Variants in DESI2 observed in about 807,000 individuals in gnomAD.
DESI2 encodes deubiquitinase DESI2.
A neutral mutation model predicts 24.1 loss-of-function variants in DESI2; 10 were observed. That is an observed-to-expected ratio of 0.41 (90% confidence interval 0.26 to 0.70). The LOEUF (loss-of-function observed/expected upper bound fraction) is 0.70, where lower values mean the gene tolerates loss of function less well. Ranked by LOEUF, DESI2 falls within the 30% of genes least tolerant of loss-of-function variation. The pLI is 0.29. For missense variants in DESI2, 122 were observed against 234.9 expected (o/e 0.52, Z 3.14); for synonymous variants, 71 against 87.7 (o/e 0.81, Z 1.06).
chr1:244,699,086 G>A (rs1415917233), intron 4 of DESI2, among the ~76,000 whole-genome samples: 1 of 152,082 alleles, frequency 6.6e-6, no homozygotes, highest in Admixed American at 6.6e-5. Context: ...CCTTTCTACT[G>A]GTGCACACAC....
At chr1:244,685,583 T>C (rs1483818877) in intron 1 of DESI2, among the ~76,000 whole-genome samples, 1 of 152,190 alleles carries the variant, frequency 6.6e-6, no homozygotes, top group Non-Finnish European at 1.5e-5. Flanking sequence ...CCCAGGTACA[T>C]TTTAGAAAAA....
intron 1 of DESI2, among the ~76,000 whole-genome samples, chr1:244,665,129 T>C (rs1036174441): frequency 3.3e-5 from 5 of 152,234 alleles, no homozygotes; most frequent in African/African-American, 9.6e-5. Flanking sequence ...AGTTTTGATA[T>C]CAGTTTTGAT....
intron 4 of DESI2, among the ~76,000 whole-genome samples, chr1:244,705,026 A>C (rs1449928006): frequency 6.6e-6 from 1 of 152,142 alleles, no homozygotes; most frequent in African/African-American, 2.4e-5. Context: ...GAGCCCCTTG[A>C]AACAAGTGGG....
At chr1:244,696,341 G>A (rs1449135498) in intron 4 of DESI2, among the ~76,000 whole-genome samples, 1 of 152,232 alleles carries the variant, frequency 6.6e-6, no homozygotes. Flanking sequence ...AGGCAAGATA[G>A]CTGGGCACAG....
At chr1:244,670,374 C>G (rs902321584) in intron 1 of DESI2, among the ~76,000 whole-genome samples, 2 of 152,166 alleles carry the variant, frequency 1.3e-5, no homozygotes, top group African/African-American at 4.8e-5. Context: ...CCCAAAAATT[C>G]TTGAAAATTT....
intron 1 of DESI2, among the ~76,000 whole-genome samples, chr1:244,661,169 C>T (rs1440204652): frequency 2.6e-5 from 4 of 152,178 alleles, no homozygotes; most frequent in African/African-American, 4.8e-5. Flanking sequence ...AACAACAACT[C>T]CCCATTTCTC....
chr1:244,692,147 T>C, intron 4 of DESI2, 127 bp downstream of exon 4: 3 of 825,056 alleles, frequency 3.6e-6, no homozygotes, highest in Non-Finnish European at 3.7e-6. Flanking sequence ...AAATATGGTA[T>C]TGTATTTCAA....
chr1:244,692,866 C>T (rs1008082300), intron 4 of DESI2, among the ~76,000 whole-genome samples: 2 of 152,302 alleles, frequency 1.3e-5, no homozygotes, highest in African/African-American at 4.8e-5. Flanking sequence ...TCTGCCCCAC[C>T]AGAGATACAC....
At position 244,706,470 on chromosome 1, in the gene DESI2, A is replaced by G. The variant is rs1404795714; in HGVS notation, c.*681A>G. ...TATCCGTCCACCTAGGCGGGGTGGT[A>G]TGTTCTTACGTCTCTCTGACTTTGA... On this transcript the variant is annotated 3_prime_UTR_variant, in exon 5 of 5. Coordinates refer to ENST00000302550, the MANE Select transcript of DESI2 (RefSeq NM_016076.5). 1 of 152,678 alleles carries G rather than the reference A, an allele frequency of 6.5e-6. No individual in the cohort carries two copies. Among genetic ancestry groups the G allele is most frequent in the African/African-American group, 2.4e-5 (1 of 41,434 alleles). 9.5% of individuals were successfully genotyped at this position (152,678 alleles called of 1,614,324 possible). A position where few individuals can be genotyped will look rare whatever the true frequency, so the allele number is the denominator to read the frequency against.
chr1:244,662,984 G>C (rs1434114879), intron 1 of DESI2, among the ~76,000 whole-genome samples: 3 of 151,802 alleles, frequency 2.0e-5, no homozygotes, highest in Non-Finnish European at 4.4e-5. Flanking sequence ...GAAAAATCTG[G>C]GATTAGGATA....
At chr1:244,691,352 G>A (rs988230742) in intron 3 of DESI2, among the ~76,000 whole-genome samples, 3 of 152,374 alleles carry the variant, frequency 2.0e-5, no homozygotes, top group African/African-American at 7.2e-5. Flanking sequence ...GCCTCCCAAA[G>A]TGCTGGGATT....
At chr1:244,694,630 A>G (rs2148812571) in intron 4 of DESI2, 2 of 842,074 alleles carry the variant, frequency 2.4e-6, no homozygotes, top group Non-Finnish European at 4.2e-6. Context: ...CCACAGGTCA[A>G]CTTCTGAAGG....
intron 1 of DESI2, among the ~76,000 whole-genome samples, chr1:244,657,914 T>G (rs908719294): frequency 3.3e-5 from 5 of 152,232 alleles, no homozygotes; most frequent in East Asian, 1.9e-4. Context: ...CGTGTGCAAC[T>G]GTGATGAAGC....
Position 244,653,267 on chromosome 1 carries a change from C to G in DESI2, c.-47C>G. 1.4e-6 allele frequency: 2 copies of G among 1,466,054 alleles called. No individual in the cohort carries two copies. Among genetic ancestry groups the G allele is most frequent in the East Asian group, 2.8e-5 (1 of 36,232 alleles). 90.8% of individuals were successfully genotyped at this position (1,466,054 alleles called of 1,614,324 possible). ...GGGGTGAGAGCGGCCTCCGGCCCCG[C>G]GGAGACGGAGCGGCTTGAGGACGAG... On this transcript the variant is annotated 5_prime_UTR_variant, in exon 1 of 5. Transcript: ENST00000302550.
intron 1 of DESI2, among the ~76,000 whole-genome samples, chr1:244,679,110 C>T (rs908881413): frequency 3.3e-5 from 5 of 152,064 alleles, no homozygotes; most frequent in Non-Finnish European, 7.3e-5. Flanking sequence ...ACAATCACAG[C>T]TCACTGAAGC....
At chr1:244,681,807 A>G (rs147223348) in intron 1 of DESI2, among the ~76,000 whole-genome samples, 2 of 152,352 alleles carry the variant, frequency 1.3e-5, no homozygotes, top group African/African-American at 4.8e-5. Context: ...TCAATTTGAT[A>G]CACAACTAGG....
intron 4 of DESI2, among the ~76,000 whole-genome samples, chr1:244,696,321 C>T (rs1573225967): frequency 6.6e-6 from 1 of 152,236 alleles, no homozygotes; most frequent in East Asian, 1.9e-4. Context: ...AGATACATTC[C>T]CCATAGAAAA....
At chr1:244,691,845 T>C in intron 3 of DESI2, 34 bp from the exon 4 acceptor site, 1 of 1,514,534 alleles carries the variant, frequency 6.6e-7, no homozygotes, top group Non-Finnish European at 8.8e-7. Flanking sequence ...TGTCCTTATT[T>C]TTCTTTCTCT....
At chr1:244,681,640 A>C (rs865934112) in intron 1 of DESI2, among the ~76,000 whole-genome samples, 1 of 152,198 alleles carries the variant, frequency 6.6e-6, no homozygotes, top group Non-Finnish European at 1.5e-5. Context: ...AGTACATACA[A>C]ATAGTTTTGG....
Sources: gnomAD v4.1 joint callset for allele counts (sites outside exome capture counted in the v4.1 genomes callset) on GRCh38, gnomAD v4.1.1 for gene constraint, MANE v1.5 for transcripts, NCBI Gene and HGNC (gene_info 2026-07-23, HGNC 2026-07-21) for gene names.